The following CDH20 variants were observed in gnomAD, a reference collection of about 807,000 sequenced individuals.
CDH20 encodes the protein cadherin-20.
Under a neutral mutation model 74.2 loss-of-function variants are expected in CDH20, and 29 were observed. That is an observed-to-expected ratio of 0.39 (90% confidence interval 0.29 to 0.53). The LOEUF is 0.53. CDH20 is among the 20% of genes least tolerant of loss of function. CDH20 has a pLI of 0.69. For synonymous variants in CDH20, 469 were observed against 405.4 expected, an observed-to-expected ratio of 1.16 and a Z score of -1.88; for missense variants, 988 against 1,048.3, an observed-to-expected ratio of 0.94 and a Z score of 0.79.
intron 5 of CDH20, among the ~76,000 whole-genome samples, chr18:61,504,909 T>C (rs1313705001): frequency 4.6e-5 from 7 of 151,930 alleles, no homozygotes; most frequent in Admixed American, 2.6e-4. Context: ...GATAAGCATT[T>C]CACAAAGGGT....
chr18:61,358,629 G>A (rs1184150977), intron 1 of CDH20, among the ~76,000 whole-genome samples: 1 of 152,052 alleles, frequency 6.6e-6, no homozygotes, highest in African/African-American at 2.4e-5. Flanking sequence ...TGGATCAGTG[G>A]TTTTCCTGAC....
At chr18:61,529,795 G>A (rs1400929946) in intron 7 of CDH20, among the ~76,000 whole-genome samples, 2 of 152,214 alleles carry the variant, frequency 1.3e-5, no homozygotes, top group Non-Finnish European at 2.9e-5. Context: ...GAAGTAAAAT[G>A]AGGTAGACAA....
intron 1 of CDH20, among the ~76,000 whole-genome samples, chr18:61,448,979 A>T (rs1909288841): frequency 6.6e-6 from 1 of 152,198 alleles, no homozygotes; most frequent in Non-Finnish European, 1.5e-5. Context: ...TGCTGATGAT[A>T]TCAGATGAAC....
intron 1 of CDH20, among the ~76,000 whole-genome samples, chr18:61,357,217 T>C (rs1231368988): frequency 6.6e-6 from 1 of 152,204 alleles, no homozygotes; most frequent in Non-Finnish European, 1.5e-5. Context: ...AGGCTTCCTG[T>C]TGCAATTAGA....
Position 61,346,123 on chromosome 18 carries a change from T to C in CDH20, c.-153+12296T>C, listed in dbSNP as rs76618362. The stretch of plus-strand genomic sequence containing the variant: ...GCACCTTTAGAAGTCATTGGCTAGG[T>C]ATTTGAATAACTAGGACAGGAGTAA... On this transcript the variant is annotated intron_variant, in intron 1 of 11. Coordinates refer to ENST00000262717, the MANE Select transcript of CDH20 (RefSeq NM_031891.4). Among the ~76,000 whole-genome samples, 1,379 of 152,240 alleles carry C rather than the reference T, an allele frequency of 9.1e-3. 20 individuals are homozygous for C. The highest frequency in any genetic ancestry group is 0.032 in the African/African-American group (1,322 of 41,536).
intron 2 of CDH20, among the ~76,000 whole-genome samples, chr18:61,493,626 C>T (rs1223792987): frequency 1.6e-4 from 24 of 152,348 alleles, no homozygotes; most frequent in East Asian, 1.9e-4. Context: ...CTGCCCAGGA[C>T]AGGCCCTGAC....
At chr18:61,459,761 C>A (rs1015137539) in intron 1 of CDH20, among the ~76,000 whole-genome samples, 2 of 151,734 alleles carry the variant, frequency 1.3e-5, no homozygotes, top group Admixed American at 6.6e-5. Flanking sequence ...ACTCCAGGAG[C>A]CTTCCCTGGG....
intron 7 of CDH20, among the ~76,000 whole-genome samples, chr18:61,530,035 G>C (rs1912586786): frequency 6.6e-6 from 1 of 152,180 alleles, no homozygotes; most frequent in East Asian, 1.9e-4. Flanking sequence ...GATGAAAATT[G>C]GTGAGAACAA....
rs922490393 is a variant in CDH20 at position 61,353,954 on chromosome 18, G to T, written c.-153+20127G>T. Among the ~76,000 whole-genome samples, 2 of 151,408 alleles carry T rather than the reference G, an allele frequency of 1.3e-5. No individual in the cohort carries two copies. The highest frequency in any genetic ancestry group is 4.9e-5 in the African/African-American group (2 of 41,148). ...AAATATTAGTTGGGCATGGTGGCGTGCACCTGTGGTCCCAGCTACTTGGGA... is the reference window on the plus strand; with the variant it reads ...AAATATTAGTTGGGCATGGTGGCGTTCACCTGTGGTCCCAGCTACTTGGGA... On this transcript the variant is annotated intron_variant, in intron 1 of 11. Transcript: ENST00000262717. The surrounding 1 kb of genome is among the most constrained non-coding windows in gnomAD (Gnocchi z 4.6).
intron 1 of CDH20, among the ~76,000 whole-genome samples, chr18:61,400,042 G>A (rs1912105875): frequency 6.6e-6 from 1 of 152,058 alleles, no homozygotes; most frequent in Admixed American, 6.6e-5. Flanking sequence ...AAAAATATAA[G>A]CCTATTGAGA....
At chr18:61,407,617 C>A (rs1400569263) in intron 1 of CDH20, among the ~76,000 whole-genome samples, 1 of 152,204 alleles carries the variant, frequency 6.6e-6, no homozygotes, top group Non-Finnish European at 1.5e-5. Context: ...AAATTTATAT[C>A]TTTACAAGGC....
chr18:61,341,728 C>G (rs558240255), intron 1 of CDH20, among the ~76,000 whole-genome samples: 20 of 152,252 alleles, frequency 1.3e-4, no homozygotes, highest in African/African-American at 4.8e-4. Flanking sequence ...TTTGCACAAA[C>G]TGGCAAGATC....
chr18:61,396,938 T>A (rs1325833137), intron 1 of CDH20, among the ~76,000 whole-genome samples: 1 of 152,180 alleles, frequency 6.6e-6, no homozygotes, highest in Non-Finnish European at 1.5e-5. Context: ...TGCTGTCTGT[T>A]TATCCCTTCA....
chr18:61,503,705 C>T (rs1911466488), intron 5 of CDH20, among the ~76,000 whole-genome samples: 1 of 152,136 alleles, frequency 6.6e-6, no homozygotes, highest in African/African-American at 2.4e-5. Flanking sequence ...GCTTCAAATC[C>T]ACTTGGGAGG....
chr18:61,483,024 G>A (rs779887497), intron 1 of CDH20, among the ~76,000 whole-genome samples: 5 of 152,142 alleles, frequency 3.3e-5, no homozygotes, highest in Non-Finnish European at 7.4e-5. Flanking sequence ...CTGCACCATG[G>A]TATCTGCGTT....
chr18:61,512,549 A>T (rs1911821785), intron 6 of CDH20, among the ~76,000 whole-genome samples: 1 of 152,240 alleles, frequency 6.6e-6, no homozygotes. Flanking sequence ...TCGTAGGCAC[A>T]GTTAGACAAA....
At chr18:61,418,082 A>C (rs1912751079) in intron 1 of CDH20, among the ~76,000 whole-genome samples, 1 of 152,256 alleles carries the variant, frequency 6.6e-6, no homozygotes. Context: ...AAAAAGCAAC[A>C]ACAAAAAGTA....
chr18:61,433,851 G>A (rs1365513942), intron 1 of CDH20, among the ~76,000 whole-genome samples: 3 of 152,044 alleles, frequency 2.0e-5, no homozygotes, highest in Admixed American at 6.6e-5. Context: ...TGAGAAATAC[G>A]AACCCAAGAA....
intron 1 of CDH20, among the ~76,000 whole-genome samples, chr18:61,447,215 T>C (rs1031202559): frequency 2.6e-5 from 4 of 152,122 alleles, no homozygotes; most frequent in African/African-American, 7.2e-5. Context: ...CATATTAGAT[T>C]TATTGATGAT....
Sources: allele counts gnomAD v4.1 joint callset (sites outside exome capture counted in the v4.1 genomes callset), GRCh38; gene constraint gnomAD v4.1.1; non-coding constraint Gnocchi (gnomAD v3.1); transcripts MANE v1.5; gene names NCBI Gene and HGNC (gene_info 2026-07-23, HGNC 2026-07-21).